The following CCDC47 variants were observed in gnomAD, a reference collection of about 807,000 sequenced individuals.
CCDC47 encodes the protein PAT complex subunit CCDC47.
Under a neutral mutation model 60.5 loss-of-function variants are expected in CCDC47, and 41 were observed. The ratio of observed to expected loss-of-function variants is 0.68; its 90% CI spans 0.53 to 0.88. The LOEUF is 0.88. Among genes scored for constraint, CCDC47 ranks in the 40% least tolerant of loss-of-function variants. The pLI is 0.00. For missense variants in CCDC47, 513 were observed against 580.9 expected (o/e 0.88, Z 1.20); for synonymous variants, 195 against 190.7 (o/e 1.02, Z -0.18).
Position 63,746,814 on chromosome 17 carries a change from G to A in CCDC47, c.*67C>T, listed in dbSNP as rs1248772332. 1.3e-5 allele frequency: 15 copies of A among 1,199,786 alleles called. No individual in the cohort carries two copies. The highest frequency in any genetic ancestry group is 1.8e-5 in the Admixed American group (1 of 56,458). 74.3% of individuals were successfully genotyped at this position (1,199,786 alleles called of 1,614,324 possible). On this transcript the variant is annotated 3_prime_UTR_variant, in exon 13 of 13. Coordinates refer to ENST00000225726, the MANE Select transcript of CCDC47 (RefSeq NM_020198.3). ...ATTTAAGGTTGAGAAATGGACTGGC[G>A]TTTTTCATGTTTCCTGTGAATTCAG...
intron 6 of CCDC47, 59 bp from the exon 7 acceptor site, chr17:63,756,629 T>A: frequency 8.6e-7 from 1 of 1,166,516 alleles, no homozygotes; most frequent in Non-Finnish European, 1.3e-6. Context: ...GATAGGCAGA[T>A]TTCTAAATGA....
At chr17:63,761,012 C>G in intron 5 of CCDC47, 33 bp from the exon 6 acceptor site, 1 of 1,546,162 alleles carries the variant, frequency 6.5e-7, no homozygotes, top group East Asian at 2.2e-5. Flanking sequence ...GTAAATCCAA[C>G]TGCAACTCCT....
At chr17:63,753,354 A>C (rs1161844592) in intron 9 of CCDC47, 3 of 277,920 alleles carry the variant, frequency 1.1e-5, no homozygotes, top group African/African-American at 6.9e-5. Context: ...AGGCATGATG[A>C]ATGCTACAAT....
Position 63,764,721 on chromosome 17 carries a change from C to T in CCDC47, c.372+19G>A. ...ACATTTTGTTGTTTAGTTGGGAATT[C>T]AGAATCCTGGATACCTACATCAACA... On this transcript the variant is annotated intron_variant, in intron 3 of 12. Coordinates refer to ENST00000225726, the MANE Select transcript of CCDC47 (RefSeq NM_020198.3). 1 of 1,598,432 alleles carries T rather than the reference C, an allele frequency of 6.3e-7. No homozygotes were observed. Among genetic ancestry groups the T allele is most frequent in the Non-Finnish European group, 8.5e-7 (1 of 1,170,938 alleles).
At chr17:63,772,103 A>G (rs919929398) in intron 1 of CCDC47, among the ~76,000 whole-genome samples, 5 of 151,736 alleles carry the variant, frequency 3.3e-5, no homozygotes, top group Non-Finnish European at 5.9e-5. Context: ...TAAATAATAA[A>G]ATAAAATGTC....
chr17:63,768,790 G>C (rs780941685), intron 1 of CCDC47, among the ~76,000 whole-genome samples: 3 of 150,932 alleles, frequency 2.0e-5, no homozygotes, highest in Non-Finnish European at 4.4e-5. Context: ...CTACAAAAAA[G>C]CTTTTAAAAA....
In CCDC47 at chr17:63,745,613, T is replaced by C. The variant is rs188349419; in HGVS notation, c.*1268A>G. The C allele has an allele frequency of 1.3e-5, 2 of 152,258 alleles. No homozygotes were observed. Among genetic ancestry groups the C allele is most frequent in the East Asian group, 3.9e-4 (2 of 5,192 alleles). 9.4% of individuals were successfully genotyped at this position (152,258 alleles called of 1,614,324 possible). A position where few individuals can be genotyped will look rare whatever the true frequency, so the allele number is the denominator to read the frequency against. ...GTTACAAAGGCAGCAGCACATGCTGTTTTCACAGCAACTTGTTATTGCCTC... is the reference window on the plus strand; with the variant it reads ...GTTACAAAGGCAGCAGCACATGCTGCTTTCACAGCAACTTGTTATTGCCTC... On this transcript the variant is annotated 3_prime_UTR_variant, in exon 13 of 13. Transcript: ENST00000225726.
At position 63,760,775 on chromosome 17, in the gene CCDC47, G is replaced by A. The variant is rs921919903; in HGVS notation, c.735+139C>T. ...AATTGCTTGAATACGGGAGGCAGAG[G>A]TTGCAGTGAGCCAAGATCATGCCAT... On this transcript the variant is annotated intron_variant, in intron 6 of 12. Transcript: ENST00000225726. 1.4e-5 allele frequency: 8 copies of A among 584,840 alleles called. No homozygotes were observed. In the African/African-American group the frequency reaches 1.5e-4, roughly 11 times the overall value. The allele number at this position is 584,840 out of a possible 1,614,324, so 36.2% of individuals were successfully genotyped here. A position where few individuals can be genotyped will look rare whatever the true frequency, so the allele number is the denominator to read the frequency against.
At chr17:63,759,553 A>ATATATATATT (rs2039238951) in intron 6 of CCDC47, among the ~76,000 whole-genome samples, 1 of 83,804 alleles carries the variant, frequency 1.2e-5, no homozygotes, top group Non-Finnish European at 2.3e-5. Flanking sequence ...ATATATATAT[A>ATATATATATT]TATATATATA....
chr17:63,761,377 C>G (rs767436024), intron 4 of CCDC47, 26 bp from the exon 5 acceptor site: 2 of 1,613,174 alleles, frequency 1.2e-6, no homozygotes, highest in Non-Finnish European at 1.7e-6. Flanking sequence ...CTTAATGTGA[C>G]TCAACAGAAA....
chr17:63,764,021 A>G lies in CCDC47; in HGVS notation c.542T>C (p.Leu181Ser), dbSNP rs767389599. The G allele has an allele frequency of 5.7e-6, 9 of 1,588,834 alleles. No homozygotes were observed. In the Admixed American group the frequency reaches 5.7e-5, roughly 10 times the overall value. The change falls in exon 4 of 13, where the codon TTA becomes TCA. Residue 181 changes from leucine (L) to serine (S), a missense_variant. By Grantham distance (145) the Leu-to-Ser change is moderately radical (BLOSUM62 -2). Transcript: ENST00000225726. ...CTGACATTGGCCTCACTTACCCACT[A>G]AAGTAAAGTTGCTCTCCAAAAGCTC... ...HRELLESNFT[L>S]VGDDGTNKEA...
Position 63,752,317 on chromosome 17 carries a change from TAC to T in CCDC47, c.1203+1_1203+2del, listed in dbSNP as rs1197712276. 6.2e-7 allele frequency: 1 copy of T among 1,602,772 alleles called. No homozygotes were observed. Among genetic ancestry groups the T allele is most frequent in the African/African-American group, 1.3e-5 (1 of 74,670 alleles). ...TTTATATAATACAGGCATTGGGTCT[TAC>T]TTCTCTGTTGAGTCGGAACTTTTTG... On this transcript the variant is annotated splice_donor_variant, in intron 11 of 12. Transcript: ENST00000225726. LOFTEE classifies it high-confidence loss of function.
At chr17:63,765,795 T>G in intron 2 of CCDC47, 117 bp downstream of exon 2, 1 of 1,344,996 alleles carries the variant, frequency 7.4e-7, no homozygotes, top group Admixed American at 2.3e-5. Context: ...CTCTACCTAG[T>G]GAATGAAAAT....
intron 2 of CCDC47, 53 bp downstream of exon 2, chr17:63,765,859 G>T: frequency 1.3e-6 from 2 of 1,530,554 alleles, no homozygotes; most frequent in Admixed American, 2.0e-5. Flanking sequence ...TTTAATGTTT[G>T]GGAAAGGTGC....
intron 6 of CCDC47, among the ~76,000 whole-genome samples, chr17:63,759,162 T>C (rs972356246): frequency 6.6e-6 from 1 of 151,846 alleles, no homozygotes; most frequent in African/African-American, 2.4e-5. Flanking sequence ...GAAATAAAAA[T>C]ACAGGTTTAC....
intron 2 of CCDC47, among the ~76,000 whole-genome samples, chr17:63,765,375 C>G (rs1035387000): frequency 1.7e-4 from 26 of 151,722 alleles, no homozygotes; most frequent in Non-Finnish European, 3.4e-4. Context: ...AGGTCTTGCT[C>G]TATCACCCAG....
chr17:63,760,345 A>G (rs1255200492), intron 6 of CCDC47, among the ~76,000 whole-genome samples: 1 of 152,204 alleles, frequency 6.6e-6, no homozygotes, highest in Non-Finnish European at 1.5e-5. Context: ...TCTATTGTCA[A>G]GGCTAACTCC....
rs780375418 is a variant in CCDC47 at position 63,766,131 on chromosome 17, C to T, written c.45G>A (p.Gly15=). Residue 15 remains glycine, a synonymous_variant, in exon 2 of 13, where the codon GGG becomes GGA. Transcript: ENST00000225726. ...HTFCVVLLVF[G]SVSEAKFDDF... ...CATCAAACTTGGCTTCAGAGACACT[C>T]CCAAACACCAGAAGGACAACACAGA... 3 of 1,613,890 alleles carry T rather than the reference C, an allele frequency of 1.9e-6. No homozygotes were observed. Among genetic ancestry groups the T allele is most frequent in the Non-Finnish European group, 2.5e-6 (3 of 1,179,988 alleles).
chr17:63,765,610 G>C, intron 2 of CCDC47: 21 of 925,102 alleles, frequency 2.3e-5, no homozygotes, highest in Non-Finnish European at 2.8e-5. Context: ...AAAGTGCTGG[G>C]ATTACAGGCA....
Sources: allele counts gnomAD v4.1 joint callset (sites outside exome capture counted in the v4.1 genomes callset), GRCh38; gene constraint gnomAD v4.1.1; transcripts MANE v1.5; gene names NCBI Gene and HGNC (gene_info 2026-07-23, HGNC 2026-07-21).